HPSE2: variants seen among roughly 807,000 people sequenced by gnomAD.
HPSE2 encodes heparanase 2 (inactive), also known as inactive heparanase-2.
Under a neutral mutation model 60.5 loss-of-function variants are expected in HPSE2, and 38 were observed. The observed-to-expected ratio is 0.63, with a 90% CI of 0.48 to 0.82. HPSE2 has a LOEUF of 0.82. HPSE2 is among the 40% of genes least tolerant of loss of function. The pLI is 0.00. For missense variants in HPSE2, 713 were observed against 740.4 expected (o/e 0.96, Z 0.43); for synonymous variants, 295 against 293.2 (o/e 1.01, Z -0.06).
chr10:98,681,007 A>G (rs1241461721), intron 6 of HPSE2, among the ~76,000 whole-genome samples: 1 of 151,562 alleles, frequency 6.6e-6, no homozygotes, highest in Non-Finnish European at 1.5e-5. Context: ...CAAGTGATCC[A>G]CCCACCTCAG....
At chr10:98,547,832 AAC>A (rs61422513) in intron 9 of HPSE2, among the ~76,000 whole-genome samples, 57 of 147,964 alleles carry the variant, frequency 3.9e-4, no homozygotes, top group Admixed American at 4.7e-4. Context: ...ATAGAACACA[AAC>A]ACACACACAC....
intron 6 of HPSE2, among the ~76,000 whole-genome samples, chr10:98,690,495 G>A (rs1001872975): frequency 1.3e-5 from 2 of 152,210 alleles, no homozygotes; most frequent in South Asian, 2.1e-4. Context: ...AGCCAAGATC[G>A]TGCCATTGCA....
intron 9 of HPSE2, among the ~76,000 whole-genome samples, chr10:98,593,324 T>G (rs1432967222): frequency 2.0e-5 from 3 of 152,142 alleles, no homozygotes. Flanking sequence ...GTGGAAGACA[T>G]GCAATCTGGG....
At chr10:99,003,748 C>T (rs1956829285) in intron 3 of HPSE2, among the ~76,000 whole-genome samples, 2 of 152,114 alleles carry the variant, frequency 1.3e-5, no homozygotes, top group African/African-American at 4.8e-5. Context: ...GGATGGTTTG[C>T]AAATATTTTC....
the HPSE2 span, among the ~76,000 whole-genome samples, chr10:99,275,021 T>C: frequency 6.6e-6 from 1 of 152,190 alleles, no homozygotes; most frequent in Non-Finnish European, 1.5e-5. Context: ...TAAGAAATAA[T>C]TTAATCTAGC....
At chr10:99,245,227 T>A in the HPSE2 span, among the ~76,000 whole-genome samples, 1 of 152,186 alleles carries the variant, frequency 6.6e-6, no homozygotes, top group Non-Finnish European at 1.5e-5. Context: ...TGGCTGCACA[T>A]TAAAATCATC....
At chr10:98,467,573 T>G (rs2133595853) in intron 11 of HPSE2, among the ~76,000 whole-genome samples, 1 of 152,022 alleles carries the variant, frequency 6.6e-6, no homozygotes, top group African/African-American at 2.4e-5. Context: ...TGCGCTTGAG[T>G]TATCAGCTCC....
At chr10:98,694,156 A>C (rs890108033) in intron 5 of HPSE2, among the ~76,000 whole-genome samples, 5 of 152,238 alleles carry the variant, frequency 3.3e-5, no homozygotes, top group Admixed American at 2.0e-4. Flanking sequence ...CCAGCTCCCC[A>C]CACATCCCTC....
At position 99,021,570 on chromosome 10, in the gene HPSE2, GA is replaced by G. The variant is rs111406008; in HGVS notation, c.610+122667del. Among the ~76,000 whole-genome samples, 340 of 146,922 alleles carry G rather than the reference GA, an allele frequency of 2.3e-3. 1 individual carries two copies. Among genetic ancestry groups the G allele is most frequent in the Middle Eastern group, 7.0e-3 (2 of 286 alleles). On this transcript the variant is annotated intron_variant, in intron 3 of 11. Transcript: ENST00000370552. ...TTAATTATGACACAACAGCAAATAAGAAAAAAAAAATACATAAATGTAATAC... is the reference window on the plus strand; with the variant it reads ...TTAATTATGACACAACAGCAAATAAGAAAAAAAAATACATAAATGTAATAC...
chr10:99,299,657 G>T, the HPSE2 span, among the ~76,000 whole-genome samples: 1 of 152,272 alleles, frequency 6.6e-6, no homozygotes, highest in Middle Eastern at 3.4e-3. Flanking sequence ...TCGACCCTCA[G>T]TGGGATTACC....
At chr10:98,557,140 G>C (rs944935511) in intron 9 of HPSE2, among the ~76,000 whole-genome samples, 1 of 152,078 alleles carries the variant, frequency 6.6e-6, no homozygotes, top group African/African-American at 2.4e-5. Flanking sequence ...ATGAACCCGG[G>C]AGGTGGAGCT....
chr10:99,304,243 A>G, the HPSE2 span, among the ~76,000 whole-genome samples: 1 of 152,236 alleles, frequency 6.6e-6, no homozygotes, highest in Non-Finnish European at 1.5e-5. Context: ...GGCAACACCC[A>G]GGAGTTACTG....
At position 98,850,564 on chromosome 10, in the gene HPSE2, G is replaced by A. The variant is rs577509662; in HGVS notation, c.611-106508C>T. On this transcript the variant is annotated intron_variant, in intron 3 of 11. Coordinates refer to ENST00000370552, the MANE Select transcript of HPSE2 (RefSeq NM_021828.5). ...ATCCTGGCTAACACGGTGAAACCCC[G>A]TCTCTACTAAAAATACAAAAAAATT... is the stretch of plus-strand genomic sequence containing the variant. Among the ~76,000 whole-genome samples, 5 of 151,912 alleles carry A rather than the reference G, an allele frequency of 3.3e-5. No homozygotes were observed. In the East Asian group the frequency reaches 5.8e-4, roughly 18 times the overall value.
intron 6 of HPSE2, among the ~76,000 whole-genome samples, chr10:98,682,408 T>A (rs1280967301): frequency 2.6e-5 from 4 of 152,200 alleles, no homozygotes; most frequent in Non-Finnish European, 2.9e-5. Flanking sequence ...TATGGCAATA[T>A]AAGAACAGCC....
chr10:98,624,017 G>T (rs187465178), intron 7 of HPSE2, among the ~76,000 whole-genome samples: 2 of 152,250 alleles, frequency 1.3e-5, no homozygotes. Flanking sequence ...AAACATTAAT[G>T]CATTATCAAG....
the HPSE2 span, among the ~76,000 whole-genome samples, chr10:99,244,568 ATTTT>A: frequency 2.7e-5 from 2 of 73,718 alleles, no homozygotes; most frequent in Non-Finnish European, 4.7e-5. Flanking sequence ...CTATGCCTGG[ATTTT>A]TTTTTTTTTT....
At chr10:99,031,720 A>G (rs1276902948) in intron 3 of HPSE2, among the ~76,000 whole-genome samples, 1 of 152,210 alleles carries the variant, frequency 6.6e-6, no homozygotes, top group Non-Finnish European at 1.5e-5. Context: ...ACCAGTTTTG[A>G]TAATATTTGG....
chr10:98,459,516 A>G lies in HPSE2; in HGVS notation c.*58T>C. 6.4e-7 allele frequency: 1 copy of G among 1,550,604 alleles called. No individual in the cohort carries two copies. The highest frequency in any genetic ancestry group is 2.2e-5 in the East Asian group (1 of 44,542). On this transcript the variant is annotated 3_prime_UTR_variant, in exon 12 of 12. Transcript: ENST00000370552. Reference sequence around the variant, plus strand: ...GTCTGAAAACAGAGGATACTACTGGAGTGGAGGAGTGGAAGCAGCCCAGCA... The same window carrying G: ...GTCTGAAAACAGAGGATACTACTGGGGTGGAGGAGTGGAAGCAGCCCAGCA...
intron 9 of HPSE2, among the ~76,000 whole-genome samples, chr10:98,603,447 T>TTTTTTGACAGAGGC (rs1945488614): frequency 6.6e-6 from 1 of 151,084 alleles, no homozygotes. Context: ...TTGTTTTTTT[T>TTTTTTGACAGAGGC]TTTGACAGAG....
Sources: allele counts gnomAD v4.1 joint callset (sites outside exome capture counted in the v4.1 genomes callset), GRCh38; gene constraint gnomAD v4.1.1; transcripts MANE v1.5; gene names NCBI Gene and HGNC (gene_info 2026-07-23, HGNC 2026-07-21).